The following KIAA1958 variants were observed in gnomAD, a reference collection of about 807,000 sequenced individuals.
The protein encoded by KIAA1958 is uncharacterized protein KIAA1958.
KIAA1958 carries 14 observed loss-of-function variants against 47.2 expected under a neutral mutation model. That is an observed-to-expected ratio of 0.30 (90% CI 0.20 to 0.46). The LOEUF is 0.46. Among genes scored for constraint, KIAA1958 ranks in the 20% least tolerant of loss-of-function variants. The probability of loss-of-function intolerance (pLI) is 1.00; values close to 1 mark genes in which losing one functional copy is unlikely to be tolerated. For synonymous variants in KIAA1958, 354 were observed against 353.3 expected, an observed-to-expected ratio of 1.00 and a Z score of -0.02; for missense variants, 803 against 909.2, an observed-to-expected ratio of 0.88 and a Z score of 1.50.
intron 1 of KIAA1958, among the ~76,000 whole-genome samples, chr9:112,489,249 A>T (rs1008841810): frequency 2.0e-5 from 3 of 152,250 alleles, no homozygotes; most frequent in East Asian, 3.8e-4. Flanking sequence ...TAAAATATTT[A>T]AAAAAGATAA....
intron 1 of KIAA1958, among the ~76,000 whole-genome samples, chr9:112,528,753 A>G (rs1834703588): frequency 2.1e-3 from 1 of 484 alleles, no homozygotes; most frequent in Non-Finnish European, 3.9e-3. Flanking sequence ...GTCCTGACTT[A>G]GGTGATCCGC....
intron 1 of KIAA1958, among the ~76,000 whole-genome samples, chr9:112,532,011 C>T (rs1834759318): frequency 6.6e-6 from 1 of 152,332 alleles, no homozygotes; most frequent in African/African-American, 2.4e-5. Context: ...GCTTCACATT[C>T]CTCTCATAGG....
Position 112,665,382 on chromosome 9 carries a change from T to A in KIAA1958, c.*5313T>A, listed in dbSNP as rs1343101611. The A allele has an allele frequency of 6.6e-6, 1 of 152,240 alleles. No homozygotes were observed. Among genetic ancestry groups the A allele is most frequent in the African/African-American group, 2.4e-5 (1 of 41,462 alleles). 9.4% of individuals were successfully genotyped at this position (152,240 alleles called of 1,614,324 possible). On this transcript the variant is annotated 3_prime_UTR_variant, in exon 4 of 4. Coordinates refer to ENST00000337530, the MANE Select transcript of KIAA1958 (RefSeq NM_133465.4). ...ATCTTTACAACCGCTCTACAAGGTA[T>A]GTCTAATTATTTCCATTTTACTTAT...
At chr9:112,572,348 G>A (rs1835553837) in intron 1 of KIAA1958, among the ~76,000 whole-genome samples, 1 of 151,588 alleles carries the variant, frequency 6.6e-6, no homozygotes. Context: ...TCATTTATTC[G>A]ACAACGACTG....
At chr9:112,508,284 A>G (rs1235220140) in intron 1 of KIAA1958, among the ~76,000 whole-genome samples, 1 of 152,212 alleles carries the variant, frequency 6.6e-6, no homozygotes, top group African/African-American at 2.4e-5. Context: ...TAAATACACT[A>G]CTAGTATGCA....
chr9:112,569,989 C>G (rs1430515758), intron 1 of KIAA1958, among the ~76,000 whole-genome samples: 1 of 152,072 alleles, frequency 6.6e-6, no homozygotes, highest in Non-Finnish European at 1.5e-5. Flanking sequence ...TGGATAAGTT[C>G]TAGAATTTTC....
At chr9:112,592,342 C>T (rs1054629329) in intron 2 of KIAA1958, among the ~76,000 whole-genome samples, 5 of 152,168 alleles carry the variant, frequency 3.3e-5, no homozygotes, top group Non-Finnish European at 7.3e-5. Context: ...GCACTCCAGC[C>T]TGGGCACCAG....
At chr9:112,647,990 A>G (rs1375883625) in intron 3 of KIAA1958, among the ~76,000 whole-genome samples, 2 of 152,238 alleles carry the variant, frequency 1.3e-5, no homozygotes, top group South Asian at 2.1e-4. Flanking sequence ...AAATTTCACA[A>G]TTTCTAGTGT....
chr9:112,536,566 C>T (rs1834858564), intron 1 of KIAA1958, among the ~76,000 whole-genome samples: 1 of 152,262 alleles, frequency 6.6e-6, no homozygotes, highest in African/African-American at 2.4e-5. Flanking sequence ...CAGACCCACA[C>T]ATCTATGTCT....
intron 1 of KIAA1958, among the ~76,000 whole-genome samples, chr9:112,561,705 A>G (rs1835335056): frequency 6.6e-6 from 1 of 152,132 alleles, no homozygotes; most frequent in Non-Finnish European, 1.5e-5. Context: ...AAATACAAAA[A>G]TTAGCCAGGC....
intron 2 of KIAA1958, among the ~76,000 whole-genome samples, chr9:112,593,838 T>TG (rs1835967802): frequency 6.8e-6 from 1 of 146,682 alleles, no homozygotes; most frequent in African/African-American, 2.6e-5. Context: ...GACTTGTCTG[T>TG]TTTTTGTTTT....
intron 2 of KIAA1958, among the ~76,000 whole-genome samples, chr9:112,599,533 T>C (rs1048947937): frequency 1.9e-4 from 29 of 152,304 alleles, no homozygotes; most frequent in African/African-American, 6.3e-4. Context: ...ACAACATGTA[T>C]AGGTTGTTGA....
intron 1 of KIAA1958, among the ~76,000 whole-genome samples, chr9:112,497,650 T>G (rs1038320583): frequency 2.0e-5 from 3 of 152,222 alleles, no homozygotes; most frequent in Non-Finnish European, 2.9e-5. Context: ...TACTCACTTG[T>G]GTATGTGCTA....
At chr9:112,592,129 G>C (rs970023592) in intron 2 of KIAA1958, among the ~76,000 whole-genome samples, 1 of 152,214 alleles carries the variant, frequency 6.6e-6, no homozygotes. Context: ...AATGAGTTAG[G>C]GTGGAGCAGG....
rs1835590072 is a variant in KIAA1958 at position 112,574,194 on chromosome 9, A to G, written c.114A>G (p.Glu38=). The G allele has an allele frequency of 5.0e-6, 8 of 1,614,186 alleles. No homozygotes were observed. The South Asian group carries it at 7.7e-5, about 16-fold the overall frequency. The change falls in exon 2 of 4, where the codon GAA becomes GAG. Residue 38 remains glutamate (E), a synonymous_variant. Transcript: ENST00000337530. ...CAAACCTGAAACACTTGCTTTCTGA[A>G]GGTTCCCATGGGAACCTGACAGCAA... ...LIPNLKHLLS[E]GSHGNLTAMW...
chr9:112,564,292 A>G (rs920043104), intron 1 of KIAA1958, among the ~76,000 whole-genome samples: 4 of 152,114 alleles, frequency 2.6e-5, no homozygotes, highest in Admixed American at 1.3e-4. Flanking sequence ...TTTTAAGTCA[A>G]TTTCTTTTGT....
In KIAA1958 at chr9:112,668,619, G is replaced by T. The variant is rs1262869522; in HGVS notation, c.*8550G>T. 12 of 152,206 alleles carry T rather than the reference G, an allele frequency of 7.9e-5. No individual in the cohort carries two copies. Among genetic ancestry groups the T allele is most frequent in the Admixed American group, 7.9e-4 (12 of 15,276 alleles). The allele number at this position is 152,206 out of a possible 1,614,324, so 9.4% of individuals were successfully genotyped here. On this transcript the variant is annotated 3_prime_UTR_variant, in exon 4 of 4. Transcript: ENST00000337530. ...GATGCTCAGTTTCTTCCTGGCAATA[G>T]AATGGTTTTATCTGTGCCCCAAGCT...
rs1012845015 is a variant in KIAA1958, at chr9:112,661,194, C to T, written c.*1125C>T. 6.6e-6 allele frequency: 1 copy of T among 152,200 alleles called. No homozygotes were observed. The highest frequency in any genetic ancestry group is 6.5e-5 in the Admixed American group (1 of 15,282). The allele number at this position is 152,200 out of a possible 1,614,324, so 9.4% of individuals were successfully genotyped here. On this transcript the variant is annotated 3_prime_UTR_variant, in exon 4 of 4. Transcript: ENST00000337530. Reference sequence around the variant, plus strand: ...TTGGGACACGATGATTTAGGCACCCCACCAGGTAAGCAAACTCAGCATTAA... The same window carrying T: ...TTGGGACACGATGATTTAGGCACCCTACCAGGTAAGCAAACTCAGCATTAA...
In KIAA1958 at chr9:112,645,836, G is replaced by A; in HGVS notation, c.1344+14G>A. The A allele has an allele frequency of 6.2e-7, 1 of 1,608,710 alleles. No individual in the cohort carries two copies. Among genetic ancestry groups the A allele is most frequent in the Non-Finnish European group, 8.5e-7 (1 of 1,177,408 alleles). ...GACATCACCAAGGTAAGGGACTCTT[G>A]AGTTTACTTCTTTCAGCCAACTTCA... On this transcript the variant is annotated intron_variant, in intron 3 of 3. Transcript: ENST00000337530.
Sources: allele counts gnomAD v4.1 joint callset (sites outside exome capture counted in the v4.1 genomes callset), GRCh38; gene constraint gnomAD v4.1.1; transcripts MANE v1.5; gene names NCBI Gene and HGNC (gene_info 2026-07-23, HGNC 2026-07-21).